The following TMEM131 variants were observed in gnomAD, a reference collection of about 807,000 sequenced individuals.
TMEM131 encodes the protein transmembrane protein 131.
Under a neutral mutation model 211.6 loss-of-function variants are expected in TMEM131, and 66 were observed. The observed-to-expected ratio is 0.31, with a 90% confidence interval of 0.26 to 0.38. The LOEUF (loss-of-function observed/expected upper bound fraction) is 0.38. TMEM131 is among the 10% of genes least tolerant of loss of function. TMEM131 has a pLI of 1.00. For synonymous variants in TMEM131, 844 were observed against 841.3 expected, an observed-to-expected ratio of 1.00 and a Z score of -0.06; for missense variants, 2,036 against 2,299.3, an observed-to-expected ratio of 0.89 and a Z score of 2.34.
chr2:97,924,680 T>C (rs35774346), intron 2 of TMEM131, among the ~76,000 whole-genome samples: 3,337 of 152,240 alleles, frequency 0.022, 135 homozygotes, highest in African/African-American at 0.077. Flanking sequence ...CAGAAATTTT[T>C]AAAGCTCTCA....
At chr2:97,909,875 G>T (rs1245913737) in intron 2 of TMEM131, among the ~76,000 whole-genome samples, 3 of 151,956 alleles carry the variant, frequency 2.0e-5, no homozygotes, top group Non-Finnish European at 4.4e-5. Context: ...AAATGAGTTG[G>T]TATTGGTTGA....
rs559788147 is a variant in TMEM131 at position 97,809,837 on chromosome 2, T to C, written c.1969-63A>G. ...AGACTTAGCCTGATCTTGATAACTA[T>C]TGCATTATATTTTGGGGTTAACCTA... is the stretch of plus-strand genomic sequence containing the variant. On this transcript the variant is annotated intron_variant, in intron 18 of 40. Coordinates refer to ENST00000186436, the MANE Select transcript of TMEM131 (RefSeq NM_015348.2). The C allele has an allele frequency of 4.7e-5, 63 of 1,328,874 alleles. No homozygotes were observed. The East Asian group carries it at 7.8e-4, about 16-fold the overall frequency. 82.3% of individuals were successfully genotyped at this position (1,328,874 alleles called of 1,614,324 possible).
At chr2:97,812,772 G>A (rs1448233045) in intron 15 of TMEM131, 23 bp from the exon 16 acceptor site, 1 of 1,349,320 alleles carries the variant, frequency 7.4e-7, no homozygotes, top group Non-Finnish European at 1.0e-6. Flanking sequence ...AAAAGAACCA[G>A]ATTAAAAAAA....
At chr2:97,876,830 T>C (rs775126424) in intron 4 of TMEM131, among the ~76,000 whole-genome samples, 5 of 152,096 alleles carry the variant, frequency 3.3e-5, no homozygotes, top group East Asian at 1.9e-4. Flanking sequence ...CTATTCAACA[T>C]AGTATTGGAA....
intron 4 of TMEM131, among the ~76,000 whole-genome samples, chr2:97,860,300 C>A (rs1674015661): frequency 6.6e-6 from 1 of 152,154 alleles, no homozygotes; most frequent in Admixed American, 6.5e-5. Flanking sequence ...GTTCCATGGG[C>A]AAGTCCCCCA....
chr2:97,837,861 C>A (rs1683005135), intron 7 of TMEM131, among the ~76,000 whole-genome samples: 3 of 152,178 alleles, frequency 2.0e-5, no homozygotes, highest in Admixed American at 2.0e-4. Context: ...CTTCCTCATG[C>A]CTTGTGCAAT....
intron 31 of TMEM131, among the ~76,000 whole-genome samples, chr2:97,784,475 G>C: frequency 6.6e-6 from 1 of 152,020 alleles, no homozygotes. Context: ...AATCTTGGAA[G>C]ACTGGAAACT....
chr2:97,922,906 G>A (rs1559449885), intron 2 of TMEM131, among the ~76,000 whole-genome samples: 1 of 151,784 alleles, frequency 6.6e-6, no homozygotes, highest in African/African-American at 2.4e-5. Context: ...ACACTTTAAA[G>A]AAAAAAAATA....
chr2:97,880,818 C>A (rs572291013), intron 4 of TMEM131, among the ~76,000 whole-genome samples: 7 of 152,304 alleles, frequency 4.6e-5, no homozygotes, highest in Admixed American at 6.5e-5. Flanking sequence ...CAGCCGCACA[C>A]AACCACAATT....
At chr2:97,830,666 C>T (rs1231469481) in intron 11 of TMEM131, among the ~76,000 whole-genome samples, 1 of 152,206 alleles carries the variant, frequency 6.6e-6, no homozygotes, top group Non-Finnish European at 1.5e-5. Context: ...CCTCTGAAGG[C>T]ATCTCAGGCA....
intron 39 of TMEM131, chr2:97,759,386 G>T: frequency 1.9e-6 from 1 of 529,712 alleles, no homozygotes; most frequent in Non-Finnish European, 3.4e-6. Context: ...TTTCAGACCA[G>T]AACCCTTCTG....
intron 1 of TMEM131, among the ~76,000 whole-genome samples, chr2:97,974,885 A>T (rs1328527860): frequency 1.3e-5 from 2 of 152,330 alleles, no homozygotes; most frequent in African/African-American, 4.8e-5. Flanking sequence ...GGTGGAATAC[A>T]GATATGTGTT....
chr2:97,830,311 C>A (rs1035565714), intron 11 of TMEM131, among the ~76,000 whole-genome samples: 3 of 152,032 alleles, frequency 2.0e-5, no homozygotes, highest in Non-Finnish European at 4.4e-5. Flanking sequence ...TATACAACAA[C>A]CTGTTAGTGA....
At chr2:97,866,583 G>GT (rs540820078) in intron 4 of TMEM131, among the ~76,000 whole-genome samples, 1 of 152,036 alleles carries the variant, frequency 6.6e-6, no homozygotes, top group Non-Finnish European at 1.5e-5. Flanking sequence ...TCTTTTGCTA[G>GT]TTTTTTTAGG....
chr2:97,979,346 C>T (rs779989808), intron 1 of TMEM131, among the ~76,000 whole-genome samples: 83 of 152,312 alleles, frequency 5.4e-4, no homozygotes, highest in African/African-American at 1.8e-3. Context: ...GAAGCTTTGA[C>T]GCTAGGCACT....
intron 4 of TMEM131, 69 bp downstream of exon 4, chr2:97,887,983 A>T (rs1204699419): frequency 7.9e-7 from 1 of 1,258,698 alleles, no homozygotes; most frequent in African/African-American, 1.5e-5. Flanking sequence ...GGCAAAAGAC[A>T]AGACAAATGC....
intron 1 of TMEM131, among the ~76,000 whole-genome samples, chr2:97,978,648 G>A (rs1055495856): frequency 2.0e-5 from 3 of 152,070 alleles, no homozygotes; most frequent in Non-Finnish European, 2.9e-5. Flanking sequence ...CCTCTGAAAG[G>A]GCTACCATAC....
intron 1 of TMEM131, among the ~76,000 whole-genome samples, chr2:97,971,759 G>C (rs1679304854): frequency 6.6e-6 from 1 of 152,192 alleles, no homozygotes; most frequent in African/African-American, 2.4e-5. Context: ...CTACTCAGGG[G>C]GCTGAGGCAG....
chr2:97,816,894 G>C (rs1443021293), intron 12 of TMEM131, among the ~76,000 whole-genome samples: 1 of 152,144 alleles, frequency 6.6e-6, no homozygotes, highest in Non-Finnish European at 1.5e-5. Context: ...AATATTAAAA[G>C]TTAAATAACA....
Sources: gnomAD v4.1 joint callset for allele counts (sites outside exome capture counted in the v4.1 genomes callset) on GRCh38, gnomAD v4.1.1 for gene constraint, MANE v1.5 for transcripts, NCBI Gene and HGNC (gene_info 2026-07-23, HGNC 2026-07-21) for gene names.